The following EBF1 variants were observed in gnomAD, a reference collection of about 807,000 sequenced individuals.
The protein encoded by EBF1 is EBF transcription factor 1, also known as transcription factor COE1.
EBF1 carries 10 observed loss-of-function variants against 68.4 expected under a neutral mutation model. That is an observed-to-expected ratio of 0.15 (90% CI 0.09 to 0.25). The LOEUF (loss-of-function observed/expected upper bound fraction) is 0.25. Ranked by LOEUF, EBF1 falls within the 10% of genes least tolerant of loss-of-function variation. The pLI is 1.00. For missense variants in EBF1, 509 were observed against 794.4 expected, an observed-to-expected ratio of 0.64 and a Z score of 4.32; for synonymous variants, 298 against 299.8, an observed-to-expected ratio of 0.99 and a Z score of 0.06.
rs561976716 is a variant in EBF1, at chr5:158,712,361, G to A, written c.1370-28C>T. 1.9e-5 allele frequency: 31 copies of A among 1,610,576 alleles called. No homozygotes were observed. In the Middle Eastern group the frequency reaches 1.5e-3, roughly 79 times the overall value. On this transcript the variant is annotated intron_variant, in intron 13 of 15. Coordinates refer to ENST00000313708, the MANE Select transcript of EBF1 (RefSeq NM_024007.5). ...GAGGGGCGGGGGCAAAACCGGAGGTGAGGGTGGCATTCAGATGGTGGCAAT... is the reference window on the plus strand; with the variant it reads ...GAGGGGCGGGGGCAAAACCGGAGGTAAGGGTGGCATTCAGATGGTGGCAAT...
intron 6 of EBF1, among the ~76,000 whole-genome samples, chr5:158,994,719 A>G (rs891876143): frequency 3.3e-5 from 5 of 152,214 alleles, no homozygotes; most frequent in African/African-American, 1.2e-4. Flanking sequence ...ATTCATTTCA[A>G]CCTCAAAATC....
intron 6 of EBF1, among the ~76,000 whole-genome samples, chr5:158,937,305 T>C (rs1214173308): frequency 6.6e-6 from 1 of 151,912 alleles, no homozygotes; most frequent in African/African-American, 2.4e-5. Context: ...TAATAAATAA[T>C]ATAGTTAGGA....
intron 6 of EBF1, among the ~76,000 whole-genome samples, chr5:158,862,243 A>G (rs1447400625): frequency 2.0e-5 from 3 of 152,222 alleles, no homozygotes; most frequent in Non-Finnish European, 4.4e-5. Context: ...GCAAAGGTCA[A>G]GGTAACTTCA....
chr5:158,851,175 G>C (rs903780279), intron 6 of EBF1, among the ~76,000 whole-genome samples: 8 of 151,434 alleles, frequency 5.3e-5, no homozygotes, highest in African/African-American at 1.9e-4. Flanking sequence ...AAGAGTTTGA[G>C]ACCAGCCTGG....
intron 6 of EBF1, among the ~76,000 whole-genome samples, chr5:158,972,620 C>T (rs555631853): frequency 1.2e-3 from 182 of 152,340 alleles, no homozygotes; most frequent in African/African-American, 4.0e-3. Flanking sequence ...CTTGGCTTAA[C>T]GCTAATGACT....
At chr5:158,884,760 C>A (rs1799683695) in intron 6 of EBF1, among the ~76,000 whole-genome samples, 1 of 152,092 alleles carries the variant, frequency 6.6e-6, no homozygotes, top group African/African-American at 2.4e-5. Flanking sequence ...AAATTAATTG[C>A]TTACTCTATG....
intron 6 of EBF1, among the ~76,000 whole-genome samples, chr5:158,875,046 C>T (rs1797566081): frequency 8.2e-6 from 1 of 122,440 alleles, no homozygotes; most frequent in African/African-American, 3.2e-5. Flanking sequence ...CACAAGCACA[C>T]ACACACACAT....
At chr5:159,078,163 C>T (rs371930979) in intron 5 of EBF1, among the ~76,000 whole-genome samples, 5 of 152,246 alleles carry the variant, frequency 3.3e-5, no homozygotes, top group East Asian at 3.9e-4. Flanking sequence ...TTCCTAGAGC[C>T]GAGCAGAGTG....
intron 6 of EBF1, among the ~76,000 whole-genome samples, chr5:158,859,128 G>A (rs1375253352): frequency 6.6e-6 from 1 of 152,152 alleles, no homozygotes; most frequent in Non-Finnish European, 1.5e-5. Context: ...TGTGAAAAAA[G>A]GGCCAGTAAG....
At chr5:159,089,182 G>C (rs1219405518) in intron 4 of EBF1, among the ~76,000 whole-genome samples, 1 of 152,038 alleles carries the variant, frequency 6.6e-6, no homozygotes, top group South Asian at 2.1e-4. Flanking sequence ...AGATTAAGGG[G>C]CTTTTAAAGG....
chr5:158,743,318 G>C lies in EBF1; in HGVS notation c.1037-12161C>G, dbSNP rs144657564. ...AATAGGAACAGAAAGAGCAAAGGGA[G>C]TTATACAAAAGATGTGTTCAAGTAG... is the stretch of plus-strand genomic sequence containing the variant. On this transcript the variant is annotated intron_variant, in intron 10 of 15. Coordinates refer to ENST00000313708, the MANE Select transcript of EBF1 (RefSeq NM_024007.5). Among the ~76,000 whole-genome samples, 8 of 152,322 alleles carry C rather than the reference G, an allele frequency of 5.3e-5. No individual in the cohort carries two copies. In the East Asian group the frequency reaches 1.5e-3, roughly 29 times the overall value.
intron 6 of EBF1, among the ~76,000 whole-genome samples, chr5:158,918,822 T>C (rs187265100): frequency 1.3e-5 from 2 of 152,366 alleles, no homozygotes; most frequent in Non-Finnish European, 2.9e-5. Flanking sequence ...GGCAAGTTAC[T>C]GTCCAATAGG....
At chr5:158,921,213 T>C (rs1808355331) in intron 6 of EBF1, among the ~76,000 whole-genome samples, 1 of 151,702 alleles carries the variant, frequency 6.6e-6, no homozygotes, top group African/African-American at 2.4e-5. Context: ...GAGCTTCGTT[T>C]CGCCTATGTT....
intron 6 of EBF1, among the ~76,000 whole-genome samples, chr5:158,920,603 C>G (rs1423434291): frequency 3.3e-5 from 5 of 151,922 alleles, no homozygotes; most frequent in Non-Finnish European, 5.9e-5. Context: ...TAAAGAAACA[C>G]AGTCTTGCTC....
At chr5:159,016,504 T>C (rs570802577) in intron 6 of EBF1, among the ~76,000 whole-genome samples, 1 of 152,266 alleles carries the variant, frequency 6.6e-6, no homozygotes, top group South Asian at 2.1e-4. Context: ...ATGATAACGA[T>C]GATAGGAAAT....
intron 6 of EBF1, among the ~76,000 whole-genome samples, chr5:159,071,656 CCA>C (rs981727073): frequency 1.3e-5 from 2 of 151,922 alleles, no homozygotes; most frequent in Admixed American, 1.3e-4. Context: ...GTTATTCAAA[CCA>C]CAGTCATATC....
In EBF1 at chr5:158,995,227, A is replaced by G. The variant is rs543211625; in HGVS notation, c.554+78169T>C. ...ATTTTCCTTTTTCTACTTCTCCCCAATAACACATTGTCCTTGGATTCTTAC... is the reference window on the plus strand; with the variant it reads ...ATTTTCCTTTTTCTACTTCTCCCCAGTAACACATTGTCCTTGGATTCTTAC... On this transcript the variant is annotated intron_variant, in intron 6 of 15. Coordinates refer to ENST00000313708, the MANE Select transcript of EBF1 (RefSeq NM_024007.5). Among the ~76,000 whole-genome samples the G allele has an allele frequency of 4.6e-5, 7 of 152,336 alleles. No individual in the cohort carries two copies. The South Asian group carries it at 6.2e-4, about 14-fold the overall frequency.
At chr5:158,872,996 ATT>A (rs539493620) in intron 6 of EBF1, among the ~76,000 whole-genome samples, 2,494 of 80,930 alleles carry the variant, frequency 0.031, 20 homozygotes, top group African/African-American at 0.035. Flanking sequence ...AATGACACTA[ATT>A]TTTTTTTTTT....
At chr5:158,859,949 T>C (rs186040131) in intron 6 of EBF1, among the ~76,000 whole-genome samples, 1 of 152,370 alleles carries the variant, frequency 6.6e-6, no homozygotes, top group African/African-American at 2.4e-5. Context: ...TACAATCCTG[T>C]TTCCTCCACA....
Sources: gnomAD v4.1 joint callset for allele counts (sites outside exome capture counted in the v4.1 genomes callset) on GRCh38, gnomAD v4.1.1 for gene constraint, MANE v1.5 for transcripts, NCBI Gene and HGNC (gene_info 2026-07-23, HGNC 2026-07-21) for gene names.